The following EP400 variants were observed in gnomAD, a reference collection of about 807,000 sequenced individuals.
EP400 encodes the protein E1A-binding protein p400.
EP400 carries 105 observed loss-of-function variants against 354.1 expected under a neutral mutation model. The ratio of observed to expected loss-of-function variants is 0.30; its 90% CI spans 0.25 to 0.35. The LOEUF is 0.35. Ranked by LOEUF, EP400 falls within the 10% of genes least tolerant of loss-of-function variation. The pLI, the probability that EP400 is intolerant of heterozygous loss-of-function variation, is 1.00. For synonymous variants in EP400, 1,646 were observed against 1,716.9 expected (o/e 0.96, Z 1.02); for missense variants, 3,280 against 4,121.0 (o/e 0.80, Z 5.59).
rs1894419269 is a variant in EP400, at chr12:132,029,601, A to G, written c.5382-100A>G. 2 of 1,328,818 alleles carry G rather than the reference A, an allele frequency of 1.5e-6. No individual in the cohort carries two copies. The highest frequency in any genetic ancestry group is 2.1e-6 in the Non-Finnish European group (2 of 947,674). 82.3% of individuals were successfully genotyped at this position (1,328,818 alleles called of 1,614,324 possible). On this transcript the variant is annotated intron_variant, in intron 27 of 52. Transcript: ENST00000389561. The surrounding 1 kb of genome is among the most constrained non-coding windows in gnomAD (Gnocchi z 4.7). ...GGGTTGAGCCCTGCTGTTTCCTGGGACTTGGACTGTCAGAAGTCTGCCCCA... is the reference window on the plus strand; with the variant it reads ...GGGTTGAGCCCTGCTGTTTCCTGGGGCTTGGACTGTCAGAAGTCTGCCCCA...
intron 2 of EP400, among the ~76,000 whole-genome samples, chr12:131,978,861 T>G (rs886602096): frequency 1.3e-5 from 2 of 152,132 alleles, no homozygotes; most frequent in African/African-American, 2.4e-5. Context: ...TCTATTTATA[T>G]CTCTATATAT....
chr12:132,040,055 A>G (rs545947392), intron 32 of EP400, among the ~76,000 whole-genome samples: 5 of 152,344 alleles, frequency 3.3e-5, no homozygotes, highest in Admixed American at 2.6e-4. Context: ...TAAAATATGC[A>G]AAGGACCTGA....
At chr12:131,988,731 G>A (rs757905136) in intron 7 of EP400, among the ~76,000 whole-genome samples, 1 of 152,202 alleles carries the variant, frequency 6.6e-6, no homozygotes, top group Non-Finnish European at 1.5e-5. Flanking sequence ...TTCACTGTGT[G>A]AACAGCCGTG....
chr12:132,014,094 G>C, intron 19 of EP400, among the ~76,000 whole-genome samples, 181 bp downstream of exon 19: 1 of 152,238 alleles, frequency 6.6e-6, no homozygotes, highest in Non-Finnish European at 1.5e-5. Flanking sequence ...AGCTGTTTCA[G>C]GCTCATGCTG....
chr12:132,041,189 C>T (rs1894892888), intron 32 of EP400, among the ~76,000 whole-genome samples: 1 of 152,190 alleles, frequency 6.6e-6, no homozygotes. Context: ...GGGACTGTGG[C>T]TATAGGATTC....
Position 131,994,914 on chromosome 12 carries a change from G to A in EP400, c.2785G>A (p.Val929Ile), listed in dbSNP as rs924404499. Residue 929 changes from valine to isoleucine, a missense_variant, in exon 12 of 53, where the codon GTT becomes ATT. Around this residue, in one of 20 missense-constraint regions of EP400, gnomAD observed 800 missense variants for 840.0 expected, o/e 0.95. Coordinates refer to ENST00000389561, the MANE Select transcript of EP400 (RefSeq NM_015409.5). This position sits in a 1 kb window ranked among gnomAD's most constrained non-coding sequence, Gnocchi z 4.6. ...TIEEEEANEG[V>I]VDHQTELSNL... ...TGAAGAGGAGGAAGCAAATGAAGGC[G>A]TTGTGGACCACCAAACAGAACTTTC... The A allele has an allele frequency of 5.0e-6, 8 of 1,614,142 alleles. No individual in the cohort carries two copies. Among genetic ancestry groups the A allele is most frequent in the East Asian group, 2.2e-5 (1 of 44,886 alleles).
rs560779022 is a variant in EP400, at chr12:132,038,635, T to C, written c.6207+539T>C. 1.3e-5 allele frequency among the ~76,000 whole-genome samples: 2 copies of C among 152,384 alleles called. No homozygotes were observed. Among genetic ancestry groups the C allele is most frequent in the South Asian group, 4.1e-4 (2 of 4,828 alleles). On this transcript the variant is annotated intron_variant, in intron 32 of 52. Coordinates refer to ENST00000389561, the MANE Select transcript of EP400 (RefSeq NM_015409.5). The surrounding 1 kb of genome is among the most constrained non-coding windows in gnomAD (Gnocchi z 4.2). ...TGGCTATCGGGTTATGTCAATATTT[T>C]ACTGTTTCGGTGTGGGTAGTAGAAG... is the stretch of plus-strand genomic sequence containing the variant.
chr12:131,997,883 TTGA>T (rs1893270740), intron 12 of EP400, among the ~76,000 whole-genome samples: 1 of 152,190 alleles, frequency 6.6e-6, no homozygotes, highest in African/African-American at 2.4e-5. Context: ...AACCAACCTA[TTGA>T]TGATGTTTAG....
chr12:131,959,423 C>A lies in EP400; in HGVS notation c.-35-1162C>A, dbSNP rs1229899511. 2.0e-5 allele frequency among the ~76,000 whole-genome samples: 3 copies of A among 152,268 alleles called. No individual in the cohort carries two copies. In the East Asian group the frequency reaches 5.8e-4, roughly 29 times the overall value. On this transcript the variant is annotated intron_variant, in intron 1 of 52. Transcript: ENST00000389561. ...TGCTTATCTTTAGTCCTCCTTTCCC[C>A]TGTAGATACTGGAGTCTGTAGCCCA...
chr12:132,035,679 C>T (rs1333316774), intron 30 of EP400, among the ~76,000 whole-genome samples: 1 of 144,608 alleles, frequency 6.9e-6, no homozygotes, highest in Non-Finnish European at 1.5e-5. Context: ...CAGGTTCACA[C>T]AGAACGTCAT....
intron 45 of EP400, among the ~76,000 whole-genome samples, chr12:132,057,509 T>C (rs1895552987): frequency 6.6e-6 from 1 of 152,170 alleles, no homozygotes; most frequent in African/African-American, 2.4e-5. Context: ...TTCGAGAACG[T>C]TGGGAGTGGT....
At position 132,062,560 on chromosome 12, in the gene EP400, G is replaced by A. The variant is rs760015931; in HGVS notation, c.8193G>A (p.Gln2731=). Residue 2731 remains glutamine, a synonymous_variant, in exon 47 of 53, where the codon CAG becomes CAA. Transcript: ENST00000389561. ...QQQQQQQQQQ[Q]QQQQQQQQQQ... is the part of the protein sequence containing the mutation. ...AGCAGCAGCAACAACAGCAGCAGCA[G>A]CAGCAGCAGCAGCAGCAGCAGCAGC... 14 of 1,599,060 alleles carry A rather than the reference G, an allele frequency of 8.8e-6. No individual in the cohort carries two copies. The highest frequency in any genetic ancestry group is 8.1e-5 in the African/African-American group (6 of 74,016).
At chr12:132,040,286 C>T (rs1894854902) in intron 32 of EP400, among the ~76,000 whole-genome samples, 1 of 152,018 alleles carries the variant, frequency 6.6e-6, no homozygotes, top group South Asian at 2.1e-4. Context: ...GTTGGCACAG[C>T]CACCATGGGA....
chr12:132,045,939 G>GC, intron 39 of EP400, 39 bp downstream of exon 39: 1 of 1,607,304 alleles, frequency 6.2e-7, no homozygotes, highest in East Asian at 2.2e-5. Context: ...GAGAGCACAG[G>GC]CAGGTGTGGT....
Position 132,038,047 on chromosome 12 carries a change from C to T in EP400, c.6158C>T (p.Pro2053Leu), listed in dbSNP as rs1894774024. The T allele has an allele frequency of 1.2e-6, 2 of 1,614,198 alleles. No homozygotes were observed. Among genetic ancestry groups the T allele is most frequent in the South Asian group, 1.1e-5 (1 of 91,084 alleles). Residue 2053 changes from proline to leucine, a missense_variant, in exon 32 of 53, where the codon CCT (proline) becomes CTT (leucine). Pro to Leu is a moderately conservative substitution (Grantham distance 98). Coordinates refer to ENST00000389561, the MANE Select transcript of EP400 (RefSeq NM_015409.5). The surrounding 1 kb of genome is among the most constrained non-coding windows in gnomAD (Gnocchi z 4.2). ...AEEFVVLSQE[P>L]SVTETIAPKI... ...GAGTTTGTGGTGCTTTCTCAGGAACCTTCTGTCACGGAAACCATTGCACCC... is the reference window on the plus strand; with the variant it reads ...GAGTTTGTGGTGCTTTCTCAGGAACTTTCTGTCACGGAAACCATTGCACCC...
intron 12 of EP400, 160 bp downstream of exon 12, chr12:131,995,116 G>A (rs1402711574): frequency 6.4e-6 from 4 of 628,692 alleles, no homozygotes; most frequent in African/African-American, 1.9e-5. Context: ...CTGACCTGGA[G>A]GTCCTGGCCC....
intron 52 of EP400, among the ~76,000 whole-genome samples, chr12:132,077,188 G>A (rs1896263423): frequency 6.6e-6 from 1 of 152,178 alleles, no homozygotes; most frequent in Non-Finnish European, 1.5e-5. Context: ...AGAGGCATCT[G>A]GTGTTAGTCT....
chr12:132,033,008 C>T (rs1481295059), intron 30 of EP400, among the ~76,000 whole-genome samples: 1 of 152,070 alleles, frequency 6.6e-6, no homozygotes, highest in African/African-American at 2.4e-5. Flanking sequence ...AGTGCAATGG[C>T]GTGATCCTGG....
intron 19 of EP400, among the ~76,000 whole-genome samples, chr12:132,016,615 G>C (rs981406526): frequency 6.6e-6 from 1 of 152,024 alleles, no homozygotes; most frequent in Non-Finnish European, 1.5e-5. Flanking sequence ...CTAGTGATCC[G>C]CCCACCTTGG....
Sources: allele counts gnomAD v4.1 joint callset (sites outside exome capture counted in the v4.1 genomes callset), GRCh38; gene constraint gnomAD v4.1.1; regional missense constraint gnomAD v4.1.1; non-coding constraint Gnocchi (gnomAD v3.1); transcripts MANE v1.5; gene names NCBI Gene and HGNC (gene_info 2026-07-23, HGNC 2026-07-21).